FBXW4: variants seen among roughly 807,000 people sequenced by gnomAD.
The protein encoded by FBXW4 is F-box/WD repeat-containing protein 4.
In FBXW4, 40 loss-of-function variants were observed where a neutral mutation model predicts 61.8. That is an observed-to-expected ratio of 0.65 (90% CI 0.50 to 0.84). The LOEUF (loss-of-function observed/expected upper bound fraction) is 0.84. Ranked by LOEUF, FBXW4 falls within the 40% of genes least tolerant of loss-of-function variation. The pLI is 0.00. For synonymous variants in FBXW4, 311 were observed against 313.8 expected (o/e 0.99, Z 0.10); for missense variants, 672 against 753.8 (o/e 0.89, Z 1.27).
intron 5 of FBXW4, among the ~76,000 whole-genome samples, chr10:101,648,898 C>T (rs1194227856): frequency 6.6e-6 from 1 of 152,218 alleles, no homozygotes; most frequent in African/African-American, 2.4e-5. Flanking sequence ...TTTCCCACCT[C>T]CTTTTTATCA....
intron 5 of FBXW4, among the ~76,000 whole-genome samples, chr10:101,638,273 A>C (rs1008687846): frequency 4.6e-5 from 7 of 152,206 alleles, no homozygotes; most frequent in Admixed American, 2.0e-4. Flanking sequence ...TGCTGCAGTC[A>C]AAAAGAACAT....
At chr10:101,659,377 C>G (rs567031573) in intron 5 of FBXW4, 2 of 985,088 alleles carry the variant, frequency 2.0e-6, no homozygotes, top group South Asian at 9.4e-5. Context: ...TGCAGTGACT[C>G]GTGCAGTAAA....
At chr10:101,634,443 G>C (rs1032504400) in intron 5 of FBXW4, among the ~76,000 whole-genome samples, 1 of 148,764 alleles carries the variant, frequency 6.7e-6, no homozygotes, top group African/African-American at 2.5e-5. Flanking sequence ...ATCTAGAAGA[G>C]GAAAACCACA....
chr10:101,615,194 G>T lies in FBXW4; in HGVS notation c.1302-2717C>A, dbSNP rs913503791. 3.3e-5 allele frequency among the ~76,000 whole-genome samples: 5 copies of T among 152,296 alleles called. No individual in the cohort carries two copies. In the East Asian group the frequency reaches 7.8e-4, roughly 24 times the overall value. On this transcript the variant is annotated intron_variant, in intron 6 of 8. Coordinates refer to ENST00000331272, the MANE Select transcript of FBXW4 (RefSeq NM_022039.4). Reference sequence around the variant, plus strand: ...GCCTCTCACTGTGGGGGGCGAGAGGGGGGTGCAGAGCCTTGGCTGTTGCAC... The same window carrying T: ...GCCTCTCACTGTGGGGGGCGAGAGGTGGGTGCAGAGCCTTGGCTGTTGCAC...
At chr10:101,617,149 G>A (rs969444802) in intron 6 of FBXW4, among the ~76,000 whole-genome samples, 7 of 152,164 alleles carry the variant, frequency 4.6e-5, no homozygotes, top group African/African-American at 1.7e-4. Context: ...TGTTTTACTC[G>A]TATCAGCCCA....
intron 5 of FBXW4, among the ~76,000 whole-genome samples, chr10:101,652,795 C>A (rs1221981262): frequency 6.6e-6 from 1 of 152,056 alleles, no homozygotes; most frequent in East Asian, 1.9e-4. Context: ...GTAAGTTGCC[C>A]CCGAATTACT....
intron 1 of FBXW4, among the ~76,000 whole-genome samples, chr10:101,692,231 C>A (rs1388170700): frequency 6.6e-6 from 1 of 151,464 alleles, no homozygotes; most frequent in Non-Finnish European, 1.5e-5. Flanking sequence ...AAAACTGTAT[C>A]AGTGACACAC....
At chr10:101,670,892 A>T (rs936219039) in intron 4 of FBXW4, among the ~76,000 whole-genome samples, 11 of 152,200 alleles carry the variant, frequency 7.2e-5, no homozygotes, top group Admixed American at 6.5e-5. Context: ...GGTTCTTTGG[A>T]CAGTCCCTAG....
rs1211982230 is a variant in FBXW4 at position 101,637,227 on chromosome 10, C to CA, written c.1236-12418dup. 9.2e-3 allele frequency among the ~76,000 whole-genome samples: 1,061 copies of CA among 114,924 alleles called. 33 individuals are homozygous for CA. In the East Asian group the frequency reaches 0.12, roughly 13 times the overall value. The allele number at this position is 114,924 out of a possible 152,430, so 75.4% of individuals were successfully genotyped here. A position where few individuals can be genotyped will look rare whatever the true frequency, so the allele number is the denominator to read the frequency against. On this transcript the variant is annotated intron_variant, in intron 5 of 8. Transcript: ENST00000331272. ...TGAAACCCCATCTCTACTAAAAATACAAAAAAAAAAAAAAATTAGCTGGGC... is the reference window on the plus strand; with the variant it reads ...TGAAACCCCATCTCTACTAAAAATACAAAAAAAAAAAAAAAATTAGCTGGGC...
chr10:101,657,415 C>T (rs2064196262), intron 5 of FBXW4, among the ~76,000 whole-genome samples: 1 of 152,116 alleles, frequency 6.6e-6, no homozygotes, highest in South Asian at 2.1e-4. Context: ...GATGGCATCA[C>T]CTGAGGTCAG....
At chr10:101,651,773 A>G (rs933616734) in intron 5 of FBXW4, among the ~76,000 whole-genome samples, 1 of 152,072 alleles carries the variant, frequency 6.6e-6, no homozygotes, top group Admixed American at 6.5e-5. Context: ...TGAGACCCCA[A>G]TCAAGACCCC....
At chr10:101,675,451 G>A (rs2064398538) in intron 2 of FBXW4, among the ~76,000 whole-genome samples, 1 of 152,212 alleles carries the variant, frequency 6.6e-6, no homozygotes, top group South Asian at 2.1e-4. Context: ...AAAGGCAAAT[G>A]TGGGAAGCAG....
chr10:101,672,811 G>T, intron 4 of FBXW4, 104 bp downstream of exon 4: 1 of 1,388,662 alleles, frequency 7.2e-7, no homozygotes, highest in Non-Finnish European at 9.8e-7. Context: ...TTTCTCCCCT[G>T]TCCCCAGACG....
intron 5 of FBXW4, among the ~76,000 whole-genome samples, chr10:101,645,879 C>T (rs1190119798): frequency 6.6e-6 from 1 of 152,126 alleles, no homozygotes; most frequent in Non-Finnish European, 1.5e-5. Flanking sequence ...TGCCAGGACT[C>T]CAACACTGGC....
In FBXW4 at chr10:101,694,395, C is replaced by A. The variant is rs765845910; in HGVS notation, c.711G>T (p.Arg237=). 2 of 1,476,744 alleles carry A rather than the reference C, an allele frequency of 1.4e-6. No homozygotes were observed. The highest frequency in any genetic ancestry group is 8.9e-7 in the Non-Finnish European group (1 of 1,125,626). 91.5% of individuals were successfully genotyped at this position (1,476,744 alleles called of 1,614,324 possible). The stretch of plus-strand genomic sequence containing the variant: ...CGGACGCTTACAGGTCGGTGCCGAG[C>A]CGCGTGAAGCCGGAGTTGAGCGAGG... The part of the protein sequence containing the change: ...ARASLNSGFT[R]LGTDLMTSVP... Residue 237 remains arginine (R), a synonymous_variant, in exon 1 of 9, where the codon CGG becomes CGT. Coordinates refer to ENST00000331272, the MANE Select transcript of FBXW4 (RefSeq NM_022039.4). The surrounding 1 kb of genome is among the most constrained non-coding windows in gnomAD (Gnocchi z 6.0).
Position 101,638,201 on chromosome 10 carries a change from C to A in FBXW4, c.1236-13391G>T, listed in dbSNP as rs550120184. Among the ~76,000 whole-genome samples, 513 of 152,216 alleles carry A rather than the reference C, an allele frequency of 3.4e-3. 2 individuals carry two copies. The highest frequency in any genetic ancestry group is 7.7e-3 in the Admixed American group (118 of 15,294). On this transcript the variant is annotated intron_variant, in intron 5 of 8. Transcript: ENST00000331272. The stretch of plus-strand genomic sequence containing the variant: ...TGTAACAGCAAGACACTGGAAATAA[C>A]CTACGTGTCCATCAGTAGAAGGATG...
chr10:101,635,055 C>A (rs1235339156), intron 5 of FBXW4, among the ~76,000 whole-genome samples: 1 of 149,346 alleles, frequency 6.7e-6, no homozygotes, highest in Non-Finnish European at 1.5e-5. Context: ...GGTGGGCAAG[C>A]AAACTTCAAC....
chr10:101,663,458 A>G (rs1285215009), intron 5 of FBXW4, among the ~76,000 whole-genome samples: 1 of 152,210 alleles, frequency 6.6e-6, no homozygotes, highest in African/African-American at 2.4e-5. Flanking sequence ...AGCTGGAAAT[A>G]ATTTTTAAAT....
At position 101,667,684 on chromosome 10, in the gene FBXW4, C is replaced by T. The variant is rs192672191; in HGVS notation, c.1235+202G>A. On this transcript the variant is annotated intron_variant, in intron 5 of 8. Transcript: ENST00000331272. ...TCTGAGGTTAGATGCTTAGGAAATT[C>T]GCATTTAGAAGGTTATCTCAATCCC... 7.1e-4 allele frequency among the ~76,000 whole-genome samples: 108 copies of T among 152,244 alleles called. 1 individual carries two copies. Among genetic ancestry groups the T allele is most frequent in the African/African-American group, 2.5e-3 (102 of 41,566 alleles).
Sources: gnomAD v4.1 joint callset for allele counts (sites outside exome capture counted in the v4.1 genomes callset) on GRCh38, gnomAD v4.1.1 for gene constraint, Gnocchi (gnomAD v3.1) non-coding constraint, MANE v1.5 for transcripts, NCBI Gene and HGNC (gene_info 2026-07-23, HGNC 2026-07-21) for gene names.